Variants in NTM observed in about 807,000 individuals in gnomAD.
The protein encoded by NTM is neurotrimin, also known as IgLON family member 2.
Under a neutral mutation model 42.1 loss-of-function variants are expected in NTM, and 13 were observed. The ratio of observed to expected loss-of-function variants is 0.31; its 90% CI spans 0.20 to 0.49. The LOEUF is 0.49. Ranked by LOEUF, NTM falls within the 20% of genes least tolerant of loss-of-function variation. The pLI is 0.99. For missense variants in NTM, 373 were observed against 452.8 expected, an observed-to-expected ratio of 0.82 and a Z score of 1.60; for synonymous variants, 187 against 179.2, an observed-to-expected ratio of 1.04 and a Z score of -0.35.
chr11:132,184,201 T>G (rs1426992168), intron 3 of NTM, among the ~76,000 whole-genome samples: 1 of 152,206 alleles, frequency 6.6e-6, no homozygotes, highest in Non-Finnish European at 1.5e-5. Context: ...AGAGGGAACT[T>G]TCCCTGACAC....
rs533471822 is a variant in NTM at position 131,767,378 on chromosome 11, C to T, written c.83-144186C>T. Reference sequence around the variant, plus strand: ...TTTGAAACCAGTTTAGGCAACATAGCAAGATCCTGTCCCTACAAAAAGAAA... The same window carrying T: ...TTTGAAACCAGTTTAGGCAACATAGTAAGATCCTGTCCCTACAAAAAGAAA... On this transcript the variant is annotated intron_variant, in intron 1 of 8. Coordinates refer to ENST00000683400, the MANE Select transcript of NTM (RefSeq NM_001352005.2). 2.0e-5 allele frequency: 3 copies of T among 152,272 alleles called. No homozygotes were observed. The South Asian group carries it at 6.2e-4, about 32-fold the overall frequency. 9.4% of individuals were successfully genotyped at this position (152,272 alleles called of 1,614,324 possible). A position where few individuals can be genotyped will look rare whatever the true frequency, so the allele number is the denominator to read the frequency against.
intron 1 of NTM, among the ~76,000 whole-genome samples, chr11:131,870,346 A>G (rs1035826569): frequency 6.6e-6 from 1 of 152,248 alleles, no homozygotes; most frequent in Non-Finnish European, 1.5e-5. Context: ...TGCAAATGAA[A>G]TAGCACACTA....
chr11:132,044,180 ATGTG>A (rs1165077617), intron 2 of NTM, among the ~76,000 whole-genome samples: 2 of 136,698 alleles, frequency 1.5e-5, no homozygotes, highest in Non-Finnish European at 3.1e-5. Context: ...GTGCATGTGT[ATGTG>A]TGTGTGTTAT....
intron 2 of NTM, among the ~76,000 whole-genome samples, chr11:132,100,729 G>C (rs2061527676): frequency 6.6e-6 from 1 of 152,102 alleles, no homozygotes. Flanking sequence ...TTCCTTCCAG[G>C]GTTCACTACC....
chr11:132,247,322 G>A (rs776960580), intron 4 of NTM, among the ~76,000 whole-genome samples: 6 of 152,188 alleles, frequency 3.9e-5, no homozygotes, highest in South Asian at 2.1e-4. Flanking sequence ...CAATGTTGCC[G>A]CTTAGTTGCT....
intron 1 of NTM, among the ~76,000 whole-genome samples, chr11:131,379,052 T>C (rs1942320888): frequency 6.6e-6 from 1 of 152,234 alleles, no homozygotes; most frequent in Admixed American, 6.5e-5. Flanking sequence ...ACAGGGCTAC[T>C]GGCAGATTTG....
chr11:131,945,770 A>C (rs2060273942), intron 2 of NTM, among the ~76,000 whole-genome samples: 1 of 152,194 alleles, frequency 6.6e-6, no homozygotes, highest in South Asian at 2.1e-4. Flanking sequence ...ATATGCTCCC[A>C]AAGTCTCACT....
At chr11:131,864,825 T>C (rs1035921593) in intron 1 of NTM, among the ~76,000 whole-genome samples, 3 of 152,218 alleles carry the variant, frequency 2.0e-5, no homozygotes, top group African/African-American at 7.2e-5. Context: ...ATTCAGAATG[T>C]CTCTCCTAAT....
At chr11:132,125,740 T>TG (rs1451170191) in intron 2 of NTM, among the ~76,000 whole-genome samples, 29 of 426 alleles carry the variant, frequency 0.068, no homozygotes, top group East Asian at 0.091. Context: ...GTGTGTGGTA[T>TG]GTGGTGCGTG....
At chr11:131,492,996 T>G (rs1411805481) in intron 1 of NTM, among the ~76,000 whole-genome samples, 5 of 152,162 alleles carry the variant, frequency 3.3e-5, no homozygotes, top group Admixed American at 2.6e-4. Context: ...GGCAGGCAGA[T>G]CGCTTGAGCC....
At chr11:132,188,805 G>T (rs1179481103) in intron 3 of NTM, among the ~76,000 whole-genome samples, 1 of 152,204 alleles carries the variant, frequency 6.6e-6, no homozygotes, top group Non-Finnish European at 1.5e-5. Context: ...TGCATTAACT[G>T]ATGCTAATCT....
chr11:131,433,071 A>T (rs1263111125), intron 1 of NTM, among the ~76,000 whole-genome samples: 1 of 151,566 alleles, frequency 6.6e-6, no homozygotes, highest in Non-Finnish European at 1.5e-5. Context: ...GTTAGGCAGG[A>T]TGTTCTCGAT....
chr11:132,171,237 C>T (rs757159212), intron 3 of NTM, among the ~76,000 whole-genome samples: 10 of 152,212 alleles, frequency 6.6e-5, no homozygotes, highest in Non-Finnish European at 1.5e-4. Flanking sequence ...TCCATTCAGT[C>T]ACCTCTGCAC....
chr11:131,455,261 A>C (rs984315822), intron 1 of NTM, among the ~76,000 whole-genome samples: 2 of 152,170 alleles, frequency 1.3e-5, no homozygotes, highest in Non-Finnish European at 2.9e-5. Flanking sequence ...CCACAGGTTT[A>C]GATGCAGGAG....
intron 2 of NTM, among the ~76,000 whole-genome samples, chr11:131,976,870 A>G (rs1242403211): frequency 6.6e-6 from 1 of 152,212 alleles, no homozygotes; most frequent in African/African-American, 2.4e-5. Flanking sequence ...GAGCACAGGT[A>G]CATTTAATTT....
intron 2 of NTM, among the ~76,000 whole-genome samples, chr11:132,123,431 G>C (rs982157311): frequency 1.3e-5 from 2 of 152,152 alleles, no homozygotes; most frequent in African/African-American, 2.4e-5. Context: ...AGCCTCACTA[G>C]GAGACCAACA....
chr11:131,511,046 T>C (rs1346893879), intron 1 of NTM, among the ~76,000 whole-genome samples: 1 of 148,250 alleles, frequency 6.7e-6, no homozygotes, highest in Non-Finnish European at 1.5e-5. Context: ...GTTCTTCAGG[T>C]TAAAAAAATG....
intron 4 of NTM, among the ~76,000 whole-genome samples, chr11:132,246,787 C>T (rs1234194506): frequency 1.3e-5 from 2 of 152,168 alleles, no homozygotes; most frequent in African/African-American, 4.8e-5. Flanking sequence ...TTTCACACGC[C>T]AGTCACATAC....
chr11:131,451,632 G>A (rs1950497598), intron 1 of NTM, among the ~76,000 whole-genome samples: 1 of 152,178 alleles, frequency 6.6e-6, no homozygotes, highest in African/African-American at 2.4e-5. Context: ...GGCTGGAACA[G>A]GTGTTTAGAG....
Sources: gnomAD v4.1 joint callset for allele counts (sites outside exome capture counted in the v4.1 genomes callset) on GRCh38, gnomAD v4.1.1 for gene constraint, MANE v1.5 for transcripts, NCBI Gene and HGNC (gene_info 2026-07-23, HGNC 2026-07-21) for gene names.